The following IGF1R variants were observed in gnomAD, a reference collection of about 807,000 sequenced individuals.
The protein encoded by IGF1R is insulin like growth factor 1 receptor.
Under a neutral mutation model 144.6 loss-of-function variants are expected in IGF1R, and 44 were observed. That is an observed-to-expected ratio of 0.30 (90% CI 0.24 to 0.39). IGF1R has a LOEUF of 0.39. IGF1R is among the 10% of genes least tolerant of loss of function. The pLI is 1.00. For synonymous variants in IGF1R, 795 were observed against 722.8 expected (o/e 1.10, Z -1.60); for missense variants, 1,355 against 1,833.7 (o/e 0.74, Z 4.77).
chr15:98,909,438 T>C (rs1015759610), intron 6 of IGF1R, among the ~76,000 whole-genome samples: 3 of 152,006 alleles, frequency 2.0e-5, no homozygotes, highest in African/African-American at 7.2e-5. Flanking sequence ...TTTGGATTTT[T>C]AGTAGAGACG....
Position 98,916,004 on chromosome 15 carries a change from C to T in IGF1R, c.1869C>T (p.Ser623=). The change falls in exon 9 of 21, where the codon TCC becomes TCT. Residue 623 remains serine, a synonymous_variant. Coordinates refer to ENST00000650285, the MANE Select transcript of IGF1R (RefSeq NM_000875.5). Reference sequence around the variant, plus strand: ...TGGACGTTCTTTCAGCATCGAACTCCTCTTCTCAGTTAATCGTGAAGTGGA... The same window carrying T: ...TGGACGTTCTTTCAGCATCGAACTCTTCTTCTCAGTTAATCGTGAAGTGGA... ...IPLDVLSASN[S]SSQLIVKWNP... 2.5e-6 allele frequency: 4 copies of T among 1,614,156 alleles called. No individual in the cohort carries two copies. Among genetic ancestry groups the T allele is most frequent in the Non-Finnish European group, 3.4e-6 (4 of 1,180,004 alleles).
intron 10 of IGF1R, 48 bp from the exon 11 acceptor site, chr15:98,922,100 C>G (rs2151690528): frequency 6.2e-7 from 1 of 1,601,758 alleles, no homozygotes; most frequent in East Asian, 2.2e-5. Flanking sequence ...ATAGAAAAGA[C>G]AAAAGAGGTA....
chr15:98,916,139 T>C lies in IGF1R; in HGVS notation c.1996+8T>C. On this transcript the variant is annotated splice_region_variant and intron_variant, in intron 9 of 20. Coordinates refer to ENST00000650285, the MANE Select transcript of IGF1R (RefSeq NM_000875.5). ...ACAATTACTGCTCCAAAGGTAAGGGTGCAGCAGCGGCCTGGACGGAGGGTG... is the reference window on the plus strand; with the variant it reads ...ACAATTACTGCTCCAAAGGTAAGGGCGCAGCAGCGGCCTGGACGGAGGGTG... The C allele has an allele frequency of 1.9e-6, 3 of 1,614,040 alleles. No homozygotes were observed. The highest frequency in any genetic ancestry group is 2.5e-6 in the Non-Finnish European group (3 of 1,179,950).
At chr15:98,842,142 T>G (rs1013222337) in intron 2 of IGF1R, among the ~76,000 whole-genome samples, 71 of 152,318 alleles carry the variant, frequency 4.7e-4, no homozygotes, top group African/African-American at 1.7e-3. Flanking sequence ...TTCACCTCTG[T>G]CCCCAGAAGC....
chr15:98,940,366 G>A (rs1333881567), intron 18 of IGF1R, among the ~76,000 whole-genome samples: 1 of 152,150 alleles, frequency 6.6e-6, no homozygotes, highest in Non-Finnish European at 1.5e-5. Context: ...TTAATGAAAT[G>A]TTTTAGCCCC....
chr15:98,849,041 A>T (rs550989052), intron 2 of IGF1R, among the ~76,000 whole-genome samples: 1 of 151,374 alleles, frequency 6.6e-6, no homozygotes. Flanking sequence ...CAAATACAAC[A>T]GATTTTTTTC....
At chr15:98,842,668 G>A (rs1314955919) in intron 2 of IGF1R, among the ~76,000 whole-genome samples, 1 of 152,162 alleles carries the variant, frequency 6.6e-6, no homozygotes, top group Non-Finnish European at 1.5e-5. Context: ...ACTGTCTTTT[G>A]GCAAAGAAAG....
At chr15:98,787,134 C>T (rs2056017540) in intron 2 of IGF1R, among the ~76,000 whole-genome samples, 1 of 152,180 alleles carries the variant, frequency 6.6e-6, no homozygotes, top group African/African-American at 2.4e-5. Flanking sequence ...TTGAGTAGAG[C>T]TTCTCTTTCT....
At position 98,718,616 on chromosome 15, in the gene IGF1R, C is replaced by T. The variant is rs1316085202; in HGVS notation, c.640+10509C>T. On this transcript the variant is annotated intron_variant, in intron 2 of 20. Transcript: ENST00000650285. ...CAGCTGCAGTGCGCATACATCTGCC[C>T]TTGGCAGCAGATCTGTGAACCCAGG... 2.0e-5 allele frequency among the ~76,000 whole-genome samples: 3 copies of T among 152,230 alleles called. 1 individual carries two copies. Among genetic ancestry groups the T allele is most frequent in the African/African-American group, 7.2e-5 (3 of 41,460 alleles).
In IGF1R at chr15:98,704,447, C is replaced by T. The variant is rs377074490; in HGVS notation, c.95-3115C>T. ...CGGTGTGTTGGAGGTTGGTGAGTCCCGTGGAGTCTTGTCAGATGGTGTTGG... is the reference window on the plus strand; with the variant it reads ...CGGTGTGTTGGAGGTTGGTGAGTCCTGTGGAGTCTTGTCAGATGGTGTTGG... On this transcript the variant is annotated intron_variant, in intron 1 of 20. Transcript: ENST00000650285. The surrounding 1 kb of genome is among the most constrained non-coding windows in gnomAD (Gnocchi z 4.9). 4.3e-4 allele frequency among the ~76,000 whole-genome samples: 65 copies of T among 152,054 alleles called. No individual in the cohort carries two copies. Among genetic ancestry groups the T allele is most frequent in the Admixed American group, 1.6e-3 (24 of 15,278 alleles).
chr15:98,836,527 A>G (rs1031547175), intron 2 of IGF1R, among the ~76,000 whole-genome samples: 3 of 151,920 alleles, frequency 2.0e-5, no homozygotes, highest in Admixed American at 1.3e-4. Flanking sequence ...TCTTTAAAAA[A>G]AAAAAAAAAA....
At chr15:98,880,430 A>C (rs2013313351) in intron 2 of IGF1R, among the ~76,000 whole-genome samples, 1 of 152,056 alleles carries the variant, frequency 6.6e-6, no homozygotes, top group South Asian at 2.1e-4. Flanking sequence ...TTGGTTCCGG[A>C]GACTTAAGTG....
intron 2 of IGF1R, among the ~76,000 whole-genome samples, chr15:98,873,330 T>C (rs942439070): frequency 6.6e-6 from 1 of 152,250 alleles, no homozygotes; most frequent in African/African-American, 2.4e-5. Context: ...GATTTCTCTT[T>C]AGGTAAATAG....
At chr15:98,951,230 G>A (rs564636781) in intron 20 of IGF1R, among the ~76,000 whole-genome samples, 5 of 152,218 alleles carry the variant, frequency 3.3e-5, no homozygotes, top group Admixed American at 6.5e-5. Context: ...CCAGAAAGTC[G>A]GCTGGTGCCC....
intron 20 of IGF1R, among the ~76,000 whole-genome samples, chr15:98,950,639 C>A (rs933611017): frequency 6.6e-6 from 1 of 152,214 alleles, no homozygotes; most frequent in Admixed American, 6.5e-5. Flanking sequence ...GGACAGCTCT[C>A]TACTGCTTCT....
chr15:98,762,621 G>A (rs988823151), intron 2 of IGF1R, among the ~76,000 whole-genome samples: 2 of 148,614 alleles, frequency 1.3e-5, no homozygotes, highest in African/African-American at 2.5e-5. Flanking sequence ...CCAGTTACTC[G>A]GGAGGCTGAG....
Position 98,964,373 on chromosome 15 carries a change from TC to T in IGF1R, c.*6933del, listed in dbSNP as rs2017345702. ...TGTATATTCTGTTGTAAGAATTTAT[TC>T]CTGTTATTGCGATATACTCTGGATT... is the stretch of plus-strand genomic sequence containing the variant. On this transcript the variant is annotated 3_prime_UTR_variant, in exon 21 of 21. Coordinates refer to ENST00000650285, the MANE Select transcript of IGF1R (RefSeq NM_000875.5). The T allele has an allele frequency of 8.7e-6, 2 of 230,994 alleles. No individual in the cohort carries two copies. Among genetic ancestry groups the T allele is most frequent in the East Asian group, 1.2e-4 (2 of 16,010 alleles). 14.3% of individuals were successfully genotyped at this position (230,994 alleles called of 1,614,324 possible). A position where few individuals can be genotyped will look rare whatever the true frequency, so the allele number is the denominator to read the frequency against.
At chr15:98,688,099 G>C (rs2053376317) in intron 1 of IGF1R, among the ~76,000 whole-genome samples, 1 of 152,168 alleles carries the variant, frequency 6.6e-6, no homozygotes, top group African/African-American at 2.4e-5. Context: ...CTGCCTGCCT[G>C]CACCTTACTG....
intron 2 of IGF1R, among the ~76,000 whole-genome samples, chr15:98,791,967 A>G (rs1374593172): frequency 6.6e-6 from 1 of 152,198 alleles, no homozygotes; most frequent in Non-Finnish European, 1.5e-5. Context: ...ATAGGTCCTC[A>G]CCTGGCAGGG....
Sources: gnomAD v4.1 joint callset for allele counts (sites outside exome capture counted in the v4.1 genomes callset) on GRCh38, gnomAD v4.1.1 for gene constraint, Gnocchi (gnomAD v3.1) non-coding constraint, MANE v1.5 for transcripts, NCBI Gene and HGNC (gene_info 2026-07-23, HGNC 2026-07-21) for gene names.